RNF135: variants seen among roughly 807,000 people sequenced by gnomAD.
RNF135 encodes ring finger protein 135.
Under a neutral mutation model 41.9 loss-of-function variants are expected in RNF135, and 46 were observed. The ratio of observed to expected loss-of-function variants is 1.10; its 90% CI spans 0.87 to 1.40. The LOEUF is 1.40. Ranked by LOEUF, RNF135 falls within the 40% of genes most tolerant of loss-of-function variation. RNF135 has a pLI of 0.00. For missense variants in RNF135, 539 were observed against 549.8 expected (o/e 0.98, Z 0.20); for synonymous variants, 238 against 223.8 (o/e 1.06, Z -0.57).
Position 30,999,359 on chromosome 17 carries a change from C to G in RNF135, c.*168C>G, listed in dbSNP as rs1908589943. 2.8e-6 allele frequency: 2 copies of G among 708,810 alleles called. No individual in the cohort carries two copies. Among genetic ancestry groups the G allele is most frequent in the Admixed American group, 4.5e-5 (2 of 44,910 alleles). The allele number at this position is 708,810 out of a possible 1,614,324, so 43.9% of individuals were successfully genotyped here. ...GAATTCCTGGTCTCAAGCAGTCCTCCCACCTCAGCCTCCCAAGGTGCTGGG... is the reference window on the plus strand; with the variant it reads ...GAATTCCTGGTCTCAAGCAGTCCTCGCACCTCAGCCTCCCAAGGTGCTGGG... On this transcript the variant is annotated 3_prime_UTR_variant, in exon 5 of 5. Coordinates refer to ENST00000328381, the MANE Select transcript of RNF135 (RefSeq NM_032322.4).
At chr17:30,973,976 C>G (rs1215043736) in intron 1 of RNF135, among the ~76,000 whole-genome samples, 1 of 152,110 alleles carries the variant, frequency 6.6e-6, no homozygotes, top group Non-Finnish European at 1.5e-5. Context: ...GCATGTGGTT[C>G]ACACCTGTAA....
intron 1 of RNF135, chr17:30,980,158 T>G (rs1423953660): frequency 1.0e-5 from 1 of 97,012 alleles, no homozygotes; most frequent in Non-Finnish European, 2.0e-5. Flanking sequence ...TAGGGGCGGC[T>G]GGGCAGAGGA....
chr17:30,993,042 T>C (rs1310208588), intron 3 of RNF135, among the ~76,000 whole-genome samples: 1 of 145,322 alleles, frequency 6.9e-6, no homozygotes, highest in Non-Finnish European at 1.5e-5. Context: ...TTTATTTGTT[T>C]ATTATTATTA....
chr17:30,983,176 T>G (rs1444904347), intron 1 of RNF135, among the ~76,000 whole-genome samples: 1 of 151,614 alleles, frequency 6.6e-6, no homozygotes, highest in Non-Finnish European at 1.5e-5. Context: ...TGCAGATACT[T>G]GGGTTGCTTC....
chr17:30,998,625 C>G (rs375035915), intron 4 of RNF135, 37 bp from the exon 5 acceptor site: 12 of 1,602,790 alleles, frequency 7.5e-6, no homozygotes, highest in African/African-American at 1.3e-5. Context: ...AAAAGATGAC[C>G]GGCCATGTTC....
chr17:30,970,974 G>C, upstream of RNF135: 1 of 1,491,866 alleles, frequency 6.7e-7, no homozygotes. Flanking sequence ...AGGCGGCCGA[G>C]AAAAGGAGGA....
chr17:30,977,671 C>A (rs1190079777), intron 1 of RNF135, among the ~76,000 whole-genome samples: 1 of 151,944 alleles, frequency 6.6e-6, no homozygotes, highest in East Asian at 1.9e-4. Context: ...TGGGTTCAAG[C>A]GATTCTCCTG....
intron 1 of RNF135, chr17:30,971,793 T>A (rs1432000383): frequency 2.1e-6 from 2 of 962,532 alleles, no homozygotes; most frequent in Non-Finnish European, 2.6e-6. Context: ...CCTTTTTCTT[T>A]ATTTCTTTGA....
chr17:30,972,551 TCTC>T (rs1747373572), intron 1 of RNF135: 1 of 152,202 alleles, frequency 6.6e-6, no homozygotes, highest in African/African-American at 2.4e-5. Flanking sequence ...ACTCCTCATT[TCTC>T]CTCCCTCTAG....
At chr17:30,990,821 G>A (rs1465730180) in intron 3 of RNF135, among the ~76,000 whole-genome samples, 1 of 151,884 alleles carries the variant, frequency 6.6e-6, no homozygotes, top group Non-Finnish European at 1.5e-5. Context: ...CCTTGCTTTT[G>A]TTAGTACCTA....
chr17:30,988,636 G>A (rs191823347), intron 3 of RNF135, among the ~76,000 whole-genome samples: 5 of 151,494 alleles, frequency 3.3e-5, no homozygotes, highest in African/African-American at 9.7e-5. Context: ...CCATGTTAAC[G>A]AGGATGGTCT....
Position 30,999,670 on chromosome 17 carries a change from G to C in RNF135, c.*479G>C, listed in dbSNP as rs1451200706. 5.6e-6 allele frequency: 1 copy of C among 177,162 alleles called. No homozygotes were observed. Among genetic ancestry groups the C allele is most frequent in the Non-Finnish European group, 1.2e-5 (1 of 81,008 alleles). The allele number at this position is 177,162 out of a possible 1,614,324, so 11.0% of individuals were successfully genotyped here. A position where few individuals can be genotyped will look rare whatever the true frequency, so the allele number is the denominator to read the frequency against. On this transcript the variant is annotated 3_prime_UTR_variant, in exon 5 of 5. Transcript: ENST00000328381. The stretch of plus-strand genomic sequence containing the variant: ...TGTGGGCAGTGAAGCATGCCAATGT[G>C]ATCAATCCCTAGTAAAAGCCCTGGA...
At position 30,999,082 on chromosome 17, in the gene RNF135, A is replaced by C. The variant is rs760238868; in HGVS notation, c.1190A>C (p.Lys397Thr). The change falls in exon 5 of 5, where the codon AAG (lysine) becomes ACG (threonine). Residue 397 changes from lysine (K) to threonine (T), a missense_variant. Coordinates refer to ENST00000328381, the MANE Select transcript of RNF135 (RefSeq NM_032322.4). ...TTCTATTCAGTGGACAATCAGGAGA[A>C]GCTTCTGTATGAGTGTACCATCTCT... ...LAFYSVDNQE[K>T]LLYECTISAS... 3 of 1,614,152 alleles carry C rather than the reference A, an allele frequency of 1.9e-6. No individual in the cohort carries two copies. The highest frequency in any genetic ancestry group is 2.5e-6 in the Non-Finnish European group (3 of 1,180,030).
intron 1 of RNF135, among the ~76,000 whole-genome samples, chr17:30,974,742 C>T (rs1454915226): frequency 3.3e-5 from 5 of 151,700 alleles, no homozygotes; most frequent in Admixed American, 1.3e-4. Flanking sequence ...TGCAGTGGCA[C>T]GATCTTGGCT....
chr17:30,978,586 TTTC>T (rs1434177139), intron 1 of RNF135: 1 of 152,052 alleles, frequency 6.6e-6, no homozygotes, highest in Non-Finnish European at 1.5e-5. Flanking sequence ...TTTTTAATTA[TTTC>T]TTTTTTTTAT....
chr17:30,975,653 A>C, intron 1 of RNF135: 2 of 1,257,038 alleles, frequency 1.6e-6, no homozygotes, highest in Non-Finnish European at 2.3e-6. Context: ...ACAACCGCCA[A>C]TACCGGAGGG....
chr17:30,975,346 A>G (rs1011712322), intron 1 of RNF135: 9 of 715,434 alleles, frequency 1.3e-5, no homozygotes, highest in Middle Eastern at 4.0e-4. Flanking sequence ...ATTGCTACTT[A>G]TGCCTGCACC....
At chr17:30,983,320 C>CATATATATATATATATATATATAT (rs1189144519) in intron 1 of RNF135, among the ~76,000 whole-genome samples, 5 of 37,072 alleles carry the variant, frequency 1.3e-4, no homozygotes, top group East Asian at 7.2e-4. Flanking sequence ...CATATATGTA[C>CATATATATATATATATATATATAT]ATATATATAT....
upstream of RNF135, among the ~76,000 whole-genome samples, chr17:30,968,386 CT>C (rs550082363): frequency 4.5e-3 from 641 of 143,490 alleles, 1 homozygote; most frequent in Non-Finnish European, 6.3e-3. Flanking sequence ...TTCTTTCTTT[CT>C]TTTTTTTTTT....
Sources: allele counts gnomAD v4.1 joint callset (sites outside exome capture counted in the v4.1 genomes callset), GRCh38; gene constraint gnomAD v4.1.1; transcripts MANE v1.5; gene names NCBI Gene and HGNC (gene_info 2026-07-23, HGNC 2026-07-21).